Variants in SYN2 observed in about 807,000 individuals in gnomAD.
SYN2 encodes synapsin-2.
SYN2 carries 19 observed loss-of-function variants against 50.9 expected under a neutral mutation model. The ratio of observed to expected loss-of-function variants is 0.37; its 90% CI spans 0.26 to 0.55. The LOEUF (loss-of-function observed/expected upper bound fraction) is 0.55. Ranked by LOEUF, SYN2 falls within the 20% of genes least tolerant of loss-of-function variation. SYN2 has a pLI of 0.81. For synonymous variants in SYN2, 255 were observed against 224.9 expected (o/e 1.13, Z -1.20); for missense variants, 587 against 576.4 (o/e 1.02, Z -0.19).
chr3:12,093,857 C>CG (rs1400011762), intron 1 of SYN2, among the ~76,000 whole-genome samples: 1 of 85,022 alleles, frequency 1.2e-5, no homozygotes, highest in African/African-American at 4.4e-5. Context: ...CTCTGCCCTG[C>CG]AATTTTTTTT....
chr3:12,070,569 C>A (rs1040330893), intron 1 of SYN2: 5 of 1,274,590 alleles, frequency 3.9e-6, no homozygotes, highest in Non-Finnish European at 5.5e-6. Context: ...CCTTGTGAAC[C>A]CCAAGGCCAA....
chr3:12,168,668 G>A (rs1448694539), intron 9 of SYN2, among the ~76,000 whole-genome samples, 190 bp downstream of exon 9: 1 of 152,172 alleles, frequency 6.6e-6, no homozygotes, highest in African/African-American at 2.4e-5. Context: ...GGGTTGATGG[G>A]ATCCTAGCCA....
At chr3:12,063,080 G>A (rs189689160) in intron 1 of SYN2, among the ~76,000 whole-genome samples, 4 of 151,910 alleles carry the variant, frequency 2.6e-5, no homozygotes, top group Admixed American at 6.6e-5. Flanking sequence ...GGGAAGGATG[G>A]GAGGGGAGGA....
At chr3:12,098,321 A>G (rs1292596586) in intron 1 of SYN2, among the ~76,000 whole-genome samples, 5 of 152,206 alleles carry the variant, frequency 3.3e-5, no homozygotes, top group Non-Finnish European at 4.4e-5. Flanking sequence ...AAACATTCCT[A>G]GATGTACAAA....
At chr3:12,141,871 A>T (rs776868970) in intron 2 of SYN2, 34 bp from the exon 3 acceptor site, 1 of 780,414 alleles carries the variant, frequency 1.3e-6, no homozygotes, top group Non-Finnish European at 2.4e-6. Flanking sequence ...TGAAGTCAGG[A>T]TTGTGAACTT....
intron 1 of SYN2, among the ~76,000 whole-genome samples, chr3:12,057,501 T>C (rs1185129700): frequency 6.6e-6 from 1 of 152,182 alleles, no homozygotes; most frequent in African/African-American, 2.4e-5. Flanking sequence ...AGTCCTCTTA[T>C]GTGATATGAC....
At chr3:12,180,620 C>T (rs889469293) in intron 10 of SYN2, among the ~76,000 whole-genome samples, 27 of 152,150 alleles carry the variant, frequency 1.8e-4, no homozygotes, top group Non-Finnish European at 1.3e-4. Context: ...TTCTCCTCCC[C>T]GCCTCCCGTA....
At chr3:12,112,692 C>A (rs1209229399) in intron 1 of SYN2, among the ~76,000 whole-genome samples, 1 of 152,118 alleles carries the variant, frequency 6.6e-6, no homozygotes, top group Admixed American at 6.5e-5. Flanking sequence ...AAGTATTCAA[C>A]CAAGGTCATA....
intron 1 of SYN2, among the ~76,000 whole-genome samples, chr3:12,093,544 TTAA>T (rs1695871765): frequency 6.6e-6 from 1 of 152,186 alleles, no homozygotes; most frequent in Admixed American, 6.5e-5. Context: ...ACATTTGGTC[TTAA>T]TAATGGGCTT....
At chr3:12,122,682 G>T (rs903414777) in intron 1 of SYN2, among the ~76,000 whole-genome samples, 1 of 152,056 alleles carries the variant, frequency 6.6e-6, no homozygotes, top group Non-Finnish European at 1.5e-5. Context: ...TCTTCACTTG[G>T]ACTTATACTA....
At chr3:12,034,280 A>C (rs1482683570) in intron 1 of SYN2, among the ~76,000 whole-genome samples, 1 of 152,120 alleles carries the variant, frequency 6.6e-6, no homozygotes, top group Admixed American at 6.5e-5. Flanking sequence ...GCATTTCCCT[A>C]ATGATTAATG....
intron 1 of SYN2, among the ~76,000 whole-genome samples, chr3:12,033,906 A>G (rs1341906853): frequency 6.6e-6 from 1 of 152,064 alleles, no homozygotes; most frequent in Non-Finnish European, 1.5e-5. Context: ...GATATACTGC[A>G]TTTTACTTGT....
At chr3:12,163,664 A>C (rs1697712038) in intron 7 of SYN2, among the ~76,000 whole-genome samples, 1 of 152,240 alleles carries the variant, frequency 6.6e-6, no homozygotes, top group South Asian at 2.1e-4. Context: ...ACCTTTATGG[A>C]AAACTGAGGC....
chr3:12,067,521 C>T (rs760575752), intron 1 of SYN2, among the ~76,000 whole-genome samples: 2 of 151,632 alleles, frequency 1.3e-5, no homozygotes, highest in South Asian at 2.1e-4. Context: ...ATTAATTGGC[C>T]GGGTGTGGTG....
intron 1 of SYN2, among the ~76,000 whole-genome samples, chr3:12,008,885 AAG>A (rs1474790354): frequency 1.3e-5 from 2 of 152,198 alleles, no homozygotes; most frequent in Non-Finnish European, 2.9e-5. Flanking sequence ...AACTGCAGAA[AAG>A]AGGGGGACAA....
intron 1 of SYN2, among the ~76,000 whole-genome samples, chr3:12,046,616 T>A (rs1694745194): frequency 6.6e-6 from 1 of 152,140 alleles, no homozygotes; most frequent in African/African-American, 2.4e-5. Context: ...GAGACTGGAT[T>A]GGAGGAAGGG....
At chr3:12,007,927 A>G (rs1342821697) in intron 1 of SYN2, among the ~76,000 whole-genome samples, 2 of 152,316 alleles carry the variant, frequency 1.3e-5, no homozygotes, top group South Asian at 2.1e-4. Flanking sequence ...TCGCACACTA[A>G]AAGATCGTTG....
chr3:12,065,384 C>T (rs1229069352), intron 1 of SYN2, among the ~76,000 whole-genome samples: 1 of 151,834 alleles, frequency 6.6e-6, no homozygotes, highest in South Asian at 2.1e-4. Flanking sequence ...AATTGTTCTA[C>T]CAAAAAAACA....
intron 1 of SYN2, among the ~76,000 whole-genome samples, chr3:12,133,670 T>G (rs1696836065): frequency 6.6e-6 from 1 of 152,236 alleles, no homozygotes; most frequent in Admixed American, 6.5e-5. Flanking sequence ...GAAATGATCT[T>G]AAGCACTGAT....
Sources: gnomAD v4.1 joint callset for allele counts (sites outside exome capture counted in the v4.1 genomes callset) on GRCh38, gnomAD v4.1.1 for gene constraint, MANE v1.5 for transcripts, NCBI Gene and HGNC (gene_info 2026-07-23, HGNC 2026-07-21) for gene names.